The following IGLL1 variants were observed in gnomAD, a reference collection of about 807,000 sequenced individuals.
IGLL1 encodes the protein immunoglobulin lambda-like polypeptide 1.
IGLL1 carries 10 observed loss-of-function variants against 10.5 expected under a neutral mutation model. That is an observed-to-expected ratio of 0.95 (90% CI 0.59 to 1.62). The LOEUF is 1.62. IGLL1 is among the 40% of genes most tolerant of loss of function. IGLL1 has a pLI of 0.00. For missense variants in IGLL1, 284 were observed against 278.7 expected (o/e 1.02, Z -0.14); for synonymous variants, 141 against 122.7 (o/e 1.15, Z -0.99).
intron 2 of IGLL1, among the ~76,000 whole-genome samples, chr22:23,574,568 C>G (rs1924962211): frequency 6.6e-6 from 1 of 152,142 alleles, no homozygotes; most frequent in Non-Finnish European, 1.5e-5. Context: ...CCCGTGTGGC[C>G]CTCCCAGGCT....
intron 1 of IGLL1, among the ~76,000 whole-genome samples, chr22:23,579,587 G>A (rs1693873113): frequency 6.7e-6 from 1 of 150,256 alleles, no homozygotes; most frequent in African/African-American, 2.5e-5. Context: ...GGGGAAAAGA[G>A]GAGGGGGGGG....
chr22:23,578,938 C>T (rs1374046009), intron 1 of IGLL1, among the ~76,000 whole-genome samples: 3 of 151,538 alleles, frequency 2.0e-5, no homozygotes, highest in African/African-American at 2.4e-5. Flanking sequence ...CCAGACTGGG[C>T]GACAAGAGTG....
In IGLL1 at chr22:23,575,038, G is replaced by A; in HGVS notation, c.251C>T (p.Pro84Leu). The change falls in exon 2 of 3, where the codon CCC becomes CTC. Residue 84 changes from proline to leucine, a missense_variant. Transcript: ENST00000330377. The part of the protein sequence containing the change: ...RGSWTGPRCW[P>L]RGFQSKHNSV... ...GTTATGCTTGGATTGAAACCCCCGG[G>A]GCCAGCACCTGGGGCCAGTCCAGGA... 1 of 1,614,000 alleles carries A rather than the reference G, an allele frequency of 6.2e-7. No homozygotes were observed. The highest frequency in any genetic ancestry group is 8.5e-7 in the Non-Finnish European group (1 of 1,179,956).
chr22:23,579,216 A>G (rs920739816), intron 1 of IGLL1, among the ~76,000 whole-genome samples: 3 of 151,868 alleles, frequency 2.0e-5, no homozygotes, highest in Admixed American at 6.6e-5. Flanking sequence ...TGCCCCTGAA[A>G]TGATTATCGC....
Position 23,575,706 on chromosome 22 carries a change from G to A in IGLL1, c.207-624C>T, listed in dbSNP as rs147017926. Among the ~76,000 whole-genome samples the A allele has an allele frequency of 1.6e-3, 242 of 152,264 alleles. 1 individual carries two copies. Among genetic ancestry groups the A allele is most frequent in the Middle Eastern group, 0.01 (3 of 294 alleles). On this transcript the variant is annotated intron_variant, in intron 1 of 2. Transcript: ENST00000330377. ...CCATCCTGTCTACCAGGCACTGTGT[G>A]CTGGGGACATGGTGTGGTCCCCCAG...
intron 1 of IGLL1, among the ~76,000 whole-genome samples, chr22:23,579,348 A>C (rs1426132645): frequency 2.0e-5 from 3 of 152,136 alleles, no homozygotes; most frequent in African/African-American, 7.2e-5. Flanking sequence ...GCAATGGCTG[A>C]GGTCACACAG....
At position 23,580,167 on chromosome 22, in the gene IGLL1, CCCCTGGCCTGT is replaced by C. The variant is rs1569072710; in HGVS notation, c.13_23del (p.Thr5GlyfsTer3). The C allele has an allele frequency of 6.5e-7, 1 of 1,544,714 alleles. No individual in the cohort carries two copies. The highest frequency in any genetic ancestry group is 8.7e-7 in the Non-Finnish European group (1 of 1,148,574). On this transcript the variant is annotated frameshift_variant, in exon 1 of 3. Coordinates refer to ENST00000330377, the MANE Select transcript of IGLL1 (RefSeq NM_020070.4). LOFTEE classifies it high-confidence loss of function. ...CTGGCTCACCAGGGGCCTCAAGGCC[CCCCTGGCCTGT>C]CCCTGGCCTCATCGGCCCTCAGGGT...
At chr22:23,576,252 C>T (rs1242470865) in intron 1 of IGLL1, among the ~76,000 whole-genome samples, 9 of 150,100 alleles carry the variant, frequency 6.0e-5, no homozygotes, top group Admixed American at 5.4e-4. Flanking sequence ...ACTGAAATGG[C>T]TTCTGCGAAC....
Position 23,579,583 on chromosome 22 carries a change from AAG to A in IGLL1, c.206+400_206+401del, listed in dbSNP as rs1203872168. On this transcript the variant is annotated intron_variant, in intron 1 of 2. Transcript: ENST00000330377. ...GACAGGTGACATAGGCCAAGGGGAA[AAG>A]AGGAGGGGGGGGAGGAGGAGTGGGA... Among the ~76,000 whole-genome samples the A allele has an allele frequency of 8.2e-5, 12 of 145,742 alleles. No homozygotes were observed. The East Asian group carries it at 2.0e-3, about 24-fold the overall frequency.
At chr22:23,578,621 G>A (rs1266663651) in intron 1 of IGLL1, among the ~76,000 whole-genome samples, 11 of 152,156 alleles carry the variant, frequency 7.2e-5, no homozygotes, top group South Asian at 4.1e-4. Flanking sequence ...TGGGTGGGAC[G>A]CTGAAGGCCC....
intron 2 of IGLL1, among the ~76,000 whole-genome samples, chr22:23,574,409 G>A (rs189072460): frequency 2.0e-5 from 3 of 152,254 alleles, no homozygotes; most frequent in Admixed American, 2.0e-4. Context: ...GACTGTCCTG[G>A]GAGGGCTGGG....
chr22:23,580,246 G>C lies in IGLL1; in HGVS notation c.-56C>G. The C allele has an allele frequency of 2.0e-6, 3 of 1,533,794 alleles. No individual in the cohort carries two copies. The highest frequency in any genetic ancestry group is 2.6e-6 in the Non-Finnish European group (3 of 1,146,080). On this transcript the variant is annotated 5_prime_UTR_variant, in exon 1 of 3. Coordinates refer to ENST00000330377, the MANE Select transcript of IGLL1 (RefSeq NM_020070.4). ...TGACTTGCAGTGTGGGCTCCCTAGA[G>C]AGTGGTGCCCTGGTCCCTCTCGCTG...
In IGLL1 at chr22:23,573,404, CTGTT is replaced by C. The variant is rs1342250002; in HGVS notation, c.500_503del (p.Lys167ArgfsTer12). 2 of 1,613,930 alleles carry C rather than the reference CTGTT, an allele frequency of 1.2e-6. No individual in the cohort carries two copies. The highest frequency in any genetic ancestry group is 2.7e-5 in the African/African-American group (2 of 74,896). On this transcript the variant is annotated frameshift_variant, in exon 3 of 3. Transcript: ENST00000330377. LOFTEE classifies it low-confidence loss of function (END_TRUNC). ...TGCTGGCCGCGTACTTGTTGTTGCT[CTGTT>C]TGGAGGGCGTGGTCATCTCCACGCC...
In IGLL1 at chr22:23,573,253, C is replaced by A. The variant is rs201180487; in HGVS notation, c.*13G>T. ...AGCTCCAGGCCCCTTTGGGTGGGGT[C>A]GGGGCTGGGAACCTATGAACATTCT... is the stretch of plus-strand genomic sequence containing the variant. On this transcript the variant is annotated 3_prime_UTR_variant, in exon 3 of 3. Transcript: ENST00000330377. The A allele has an allele frequency of 1.2e-6, 2 of 1,612,504 alleles. No homozygotes were observed. Among genetic ancestry groups the A allele is most frequent in the South Asian group, 1.1e-5 (1 of 91,022 alleles).
intron 2 of IGLL1, among the ~76,000 whole-genome samples, chr22:23,574,315 G>C (rs1010534373): frequency 2.6e-5 from 4 of 152,196 alleles, no homozygotes; most frequent in Non-Finnish European, 5.9e-5. Flanking sequence ...GTCGACCCAT[G>C]AACAGAGAGA....
intron 2 of IGLL1, 68 bp downstream of exon 2, chr22:23,574,899 A>G: frequency 1.8e-6 from 2 of 1,102,240 alleles, no homozygotes; most frequent in South Asian, 2.6e-5. Context: ...AAGAAGCCCC[A>G]GAGAGAGAAA....
chr22:23,576,796 C>CT (rs1378712588), intron 1 of IGLL1, among the ~76,000 whole-genome samples: 1 of 152,164 alleles, frequency 6.6e-6, no homozygotes, highest in Non-Finnish European at 1.5e-5. Context: ...CTCCGTGGCA[C>CT]TAAGTACATT....
In IGLL1 at chr22:23,573,417, G is replaced by C; in HGVS notation, c.491C>G (p.Thr164Arg). The C allele has an allele frequency of 6.2e-7, 1 of 1,614,046 alleles. No homozygotes were observed. Among genetic ancestry groups the C allele is most frequent in the Non-Finnish European group, 8.5e-7 (1 of 1,179,932 alleles). ...CTTGTTGTTGCTCTGTTTGGAGGGC[G>C]TGGTCATCTCCACGCCCTGGGTGAT... ...TPITQGVEMT[T>R]PSKQSNNKYA... Residue 164 changes from threonine to arginine, a missense_variant, in exon 3 of 3, where the codon ACG (threonine) becomes AGG (arginine). Transcript: ENST00000330377.
intron 1 of IGLL1, among the ~76,000 whole-genome samples, chr22:23,575,605 T>G (rs1204705252): frequency 6.6e-6 from 1 of 152,158 alleles, no homozygotes; most frequent in Non-Finnish European, 1.5e-5. Flanking sequence ...CATCTGTCCA[T>G]CTATTCATCT....
Sources: allele counts gnomAD v4.1 joint callset (sites outside exome capture counted in the v4.1 genomes callset), GRCh38; gene constraint gnomAD v4.1.1; transcripts MANE v1.5; gene names NCBI Gene and HGNC (gene_info 2026-07-23, HGNC 2026-07-21).